The following CALHM6 variants were observed in gnomAD, a reference collection of about 807,000 sequenced individuals.
CALHM6 encodes calcium homeostasis modulator protein 6.
A neutral mutation model predicts 12.7 loss-of-function variants in CALHM6; 15 were observed. That is an observed-to-expected ratio of 1.18 (90% CI 0.79 to 1.82). CALHM6 has a LOEUF of 1.82. Among genes scored for constraint, CALHM6 ranks in the 40% most tolerant of loss-of-function variants. The probability of loss-of-function intolerance (pLI) is 0.00; values close to 1 mark genes in which losing one functional copy is unlikely to be tolerated. For synonymous variants in CALHM6, 212 were observed against 193.7 expected, an observed-to-expected ratio of 1.09 and a Z score of -0.78; for missense variants, 434 against 421.0, an observed-to-expected ratio of 1.03 and a Z score of -0.27.
chr6:116,462,074 C>T lies in CALHM6; in HGVS notation c.145C>T (p.Leu49=). The T allele has an allele frequency of 2.6e-6, 4 of 1,547,806 alleles. No individual in the cohort carries two copies. Among genetic ancestry groups the T allele is most frequent in the Non-Finnish European group, 3.5e-6 (4 of 1,146,530 alleles). ...FQCPCSAAWN[L]PYGLVFLLVP... ...GTGCCCGTGCAGCGCCGCCTGGAACCTGCCCTACGGCCTGGTCTTCTTGCT... is the reference window on the plus strand; with the variant it reads ...GTGCCCGTGCAGCGCCGCCTGGAACTTGCCCTACGGCCTGGTCTTCTTGCT... Residue 49 remains leucine, a synonymous_variant, in exon 2 of 3, where the codon CTG becomes TTG. Transcript: ENST00000368605.
chr6:116,462,557 A>T, intron 2 of CALHM6, 103 bp downstream of exon 2: 1 of 698,002 alleles, frequency 1.4e-6, no homozygotes, highest in Non-Finnish European at 2.2e-6. Flanking sequence ...CCAGATATAC[A>T]GTACCCTAAG....
In CALHM6 at chr6:116,463,507, C is replaced by T; in HGVS notation, c.750C>T (p.Asn250=). The change falls in exon 3 of 3, where the codon AAC becomes AAT. Residue 250 remains asparagine, a synonymous_variant. Coordinates refer to ENST00000368605, the MANE Select transcript of CALHM6 (RefSeq NM_001010919.3). The stretch of plus-strand genomic sequence containing the variant: ...AGGGCTCGCATCCAAAAGAATATAA[C>T]ACTCCAAGCATGAAAGAGTGGCAGC... ...FFEGSHPKEY[N]TPSMKEWQQI... is the part of the protein sequence containing the mutation. 2 of 1,614,146 alleles carry T rather than the reference C, an allele frequency of 1.2e-6. No homozygotes were observed. Among genetic ancestry groups the T allele is most frequent in the Non-Finnish European group, 1.7e-6 (2 of 1,180,014 alleles).
chr6:116,462,812 A>G (rs1305129434), intron 2 of CALHM6, among the ~76,000 whole-genome samples: 1 of 152,134 alleles, frequency 6.6e-6, no homozygotes, highest in Non-Finnish European at 1.5e-5. Context: ...CATTACAAGT[A>G]ATAGTTTCGT....
chr6:116,461,860 T>G lies in CALHM6; in HGVS notation c.-58-12T>G. ...CCCGGTCCCCATCCCACCAAAACCA[T>G]TTGACAAGCAGGACAACGAAGAGGC... On this transcript the variant is annotated splice_polypyrimidine_tract_variant and intron_variant, in intron 1 of 2. Coordinates refer to ENST00000368605, the MANE Select transcript of CALHM6 (RefSeq NM_001010919.3). The G allele has an allele frequency of 7.1e-7, 1 of 1,399,666 alleles. No homozygotes were observed. Among genetic ancestry groups the G allele is most frequent in the Non-Finnish European group, 9.3e-7 (1 of 1,075,400 alleles). The allele number at this position is 1,399,666 out of a possible 1,614,324, so 86.7% of individuals were successfully genotyped here.
rs771852057 is a variant in CALHM6 at position 116,463,645 on chromosome 6, G to A, written c.888G>A (p.Thr296=). The A allele has an allele frequency of 5.0e-6, 8 of 1,613,910 alleles. No individual in the cohort carries two copies. In the South Asian group the frequency reaches 5.5e-5, roughly 11 times the overall value. ...THSIRSTEGD[T]VIPVLGFVDS... ...GTATCAGGTCTACTGAAGGAGATAC[G>A]GTGATTCCTGTTCTTGGCTTTGTAG... is the stretch of plus-strand genomic sequence containing the variant. Residue 296 remains threonine, a synonymous_variant, in exon 3 of 3, where the codon ACG becomes ACA. Transcript: ENST00000368605.
At chr6:116,461,612 C>T (rs1298276985) in intron 1 of CALHM6, among the ~76,000 whole-genome samples, 183 bp downstream of exon 1, 2 of 151,930 alleles carry the variant, frequency 1.3e-5, no homozygotes, top group Non-Finnish European at 2.9e-5. Flanking sequence ...GGTCAACCTT[C>T]TGTCAGAGTT....
chr6:116,463,405 G>A lies in CALHM6; in HGVS notation c.648G>A (p.Gln216=). The part of the protein sequence containing the change: ...QLKFWKIYLE[Q]EQQILKSKAT... ...AATTCTGGAAAATCTATTTGGAACA[G>A]GAGCAGCAGATCCTTAAAAGTAAAG... Residue 216 remains glutamine, a synonymous_variant, in exon 3 of 3, where the codon CAG becomes CAA. Coordinates refer to ENST00000368605, the MANE Select transcript of CALHM6 (RefSeq NM_001010919.3). 6.2e-7 allele frequency: 1 copy of A among 1,614,086 alleles called. No homozygotes were observed. The highest frequency in any genetic ancestry group is 8.5e-7 in the Non-Finnish European group (1 of 1,180,014).
chr6:116,462,287 G>T lies in CALHM6; in HGVS notation c.358G>T (p.Gly120Trp). The T allele has an allele frequency of 1.4e-6, 2 of 1,405,706 alleles. No individual in the cohort carries two copies. The highest frequency in any genetic ancestry group is 1.8e-6 in the Non-Finnish European group (2 of 1,086,884). 87.1% of individuals were successfully genotyped at this position (1,405,706 alleles called of 1,614,324 possible). Residue 120 changes from glycine (G) to tryptophan (W), a missense_variant, in exon 2 of 3, where the codon GGG becomes TGG. By Grantham distance (184) the Gly-to-Trp change is radical (BLOSUM62 -2). Coordinates refer to ENST00000368605, the MANE Select transcript of CALHM6 (RefSeq NM_001010919.3). The part of the protein sequence containing the change: ...PLTWVAVALL[G>W]GAFYECAATG... ...CACCTGGGTGGCCGTGGCGCTGCTC[G>T]GGGGCGCCTTTTACGAGTGCGCGGC...
chr6:116,463,744 T>C lies in CALHM6; in HGVS notation c.*39T>C. 7.0e-7 allele frequency: 1 copy of C among 1,429,490 alleles called. No individual in the cohort carries two copies. The highest frequency in any genetic ancestry group is 2.4e-5 in the East Asian group (1 of 42,552). 88.6% of individuals were successfully genotyped at this position (1,429,490 alleles called of 1,614,324 possible). A position where few individuals can be genotyped will look rare whatever the true frequency, so the allele number is the denominator to read the frequency against. ...TAGAAAAAAAAATTGTTTTGAATTA[T>C]TGCTTTATTAAAAAATAAACATTGG... On this transcript the variant is annotated 3_prime_UTR_variant, in exon 3 of 3. Transcript: ENST00000368605.
In CALHM6 at chr6:116,461,923, G is replaced by A. The variant is rs61742015; in HGVS notation, c.-7G>A. ...GCCTGTGCGCGACGCCCCGGGGGACGAGGCTCATGGAGAAGTTTCGGGCGG... is the reference window on the plus strand; with the variant it reads ...GCCTGTGCGCGACGCCCCGGGGGACAAGGCTCATGGAGAAGTTTCGGGCGG... On this transcript the variant is annotated 5_prime_UTR_variant, in exon 2 of 3. Transcript: ENST00000368605. 1.7e-3 allele frequency: 2,550 copies of A among 1,495,096 alleles called. 1 individual carries two copies. Among genetic ancestry groups the A allele is most frequent in the Non-Finnish European group, 2.1e-3 (2,315 of 1,114,972 alleles). The allele number at this position is 1,495,096 out of a possible 1,614,324, so 92.6% of individuals were successfully genotyped here.
rs553081588 is a variant in CALHM6, at chr6:116,461,966, A to G, written c.37A>G (p.Lys13Glu). ...TCGGGCGGTGCTGGACCTGCACGTC[A>G]AGCACCACAGCGCCTTGGGCTACGG... ...KFRAVLDLHV[K>E]HHSALGYGLV... Residue 13 changes from lysine (K) to glutamate (E), a missense_variant, in exon 2 of 3, where the codon AAG becomes GAG. By Grantham distance (56) the Lys-to-Glu change is moderately conservative. Coordinates refer to ENST00000368605, the MANE Select transcript of CALHM6 (RefSeq NM_001010919.3). The G allele has an allele frequency of 3.2e-5, 50 of 1,543,552 alleles. No homozygotes were observed. The East Asian group carries it at 1.2e-3, about 37-fold the overall frequency.
chr6:116,463,495 A>G lies in CALHM6; in HGVS notation c.738A>G (p.Pro246=), dbSNP rs780578426. 4 of 1,614,102 alleles carry G rather than the reference A, an allele frequency of 2.5e-6. No homozygotes were observed. Among genetic ancestry groups the G allele is most frequent in the African/African-American group, 1.3e-5 (1 of 74,946 alleles). Residue 246 remains proline, a synonymous_variant, in exon 3 of 3, where the codon CCA becomes CCG. Transcript: ENST00000368605. ...AATGTTTCTTTGAGGGCTCGCATCC[A>G]AAAGAATATAACACTCCAAGCATGA... is the stretch of plus-strand genomic sequence containing the variant. ...NIKCFFEGSH[P]KEYNTPSMKE...
At chr6:116,462,525 G>A in intron 2 of CALHM6, 71 bp downstream of exon 2, 1 of 1,146,304 alleles carries the variant, frequency 8.7e-7, no homozygotes, top group Non-Finnish European at 1.2e-6. Context: ...GCTGGGGTGA[G>A]GGAAAAATCG....
At position 116,461,929 on chromosome 6, in the gene CALHM6, C is replaced by T. The variant is rs1402435365; in HGVS notation, c.-1C>T. The T allele has an allele frequency of 1.3e-6, 2 of 1,505,032 alleles. No homozygotes were observed. Among genetic ancestry groups the T allele is most frequent in the African/African-American group, 1.4e-5 (1 of 71,066 alleles). 93.2% of individuals were successfully genotyped at this position (1,505,032 alleles called of 1,614,324 possible). ...GCGCGACGCCCCGGGGGACGAGGCT[C>T]ATGGAGAAGTTTCGGGCGGTGCTGG... is the stretch of plus-strand genomic sequence containing the variant. On this transcript the variant is annotated 5_prime_UTR_variant, in exon 2 of 3. Transcript: ENST00000368605.
In CALHM6 at chr6:116,462,398, C is replaced by G; in HGVS notation, c.469C>G (p.Gln157Glu). ...GGAGCTGCCGCTGGTGCCGTGCAAC[C>G]AGGCCAAGGCGTCGGACGTGCAGGA... ...AAELPLVPCNQAKASDVQDLL... is the reference protein window; with the variant it reads ...AAELPLVPCNEAKASDVQDLL... Residue 157 changes from glutamine to glutamate, a missense_variant, in exon 2 of 3, where the codon CAG becomes GAG. Gln to Glu is a conservative substitution (Grantham distance 29). Transcript: ENST00000368605. 1 of 1,477,944 alleles carries G rather than the reference C, an allele frequency of 6.8e-7. No individual in the cohort carries two copies. The highest frequency in any genetic ancestry group is 1.5e-5 in the African/African-American group (1 of 67,732). 91.6% of individuals were successfully genotyped at this position (1,477,944 alleles called of 1,614,324 possible). A position where few individuals can be genotyped will look rare whatever the true frequency, so the allele number is the denominator to read the frequency against.
At position 116,461,857 on chromosome 6, in the gene CALHM6, C is replaced by A. The variant is rs1784775747; in HGVS notation, c.-58-15C>A. 1 of 1,395,806 alleles carries A rather than the reference C, an allele frequency of 7.2e-7. No individual in the cohort carries two copies. The highest frequency in any genetic ancestry group is 2.8e-5 in the East Asian group (1 of 35,792). The allele number at this position is 1,395,806 out of a possible 1,614,324, so 86.5% of individuals were successfully genotyped here. On this transcript the variant is annotated splice_polypyrimidine_tract_variant and intron_variant, in intron 1 of 2. Coordinates refer to ENST00000368605, the MANE Select transcript of CALHM6 (RefSeq NM_001010919.3). ...AGCCCCGGTCCCCATCCCACCAAAA[C>A]CATTTGACAAGCAGGACAACGAAGA...
Position 116,462,258 on chromosome 6 carries a change from C to T in CALHM6, c.329C>T (p.Pro110Leu). Reference protein sequence around the residue: ...TQISAAAALAPLTWVAVALLG... With the variant: ...TQISAAAALALLTWVAVALLG... ...ATCAGCGCGGCCGCCGCGCTCGCGC[C>T]CCTCACCTGGGTGGCCGTGGCGCTG... is the stretch of plus-strand genomic sequence containing the variant. The change falls in exon 2 of 3, where the codon CCC becomes CTC. Residue 110 changes from proline (P) to leucine (L), a missense_variant. Pro to Leu is a moderately conservative substitution (Grantham distance 98). Transcript: ENST00000368605. The T allele has an allele frequency of 1.5e-6, 2 of 1,376,846 alleles. No homozygotes were observed. Among genetic ancestry groups the T allele is most frequent in the Non-Finnish European group, 1.9e-6 (2 of 1,072,258 alleles). 85.3% of individuals were successfully genotyped at this position (1,376,846 alleles called of 1,614,324 possible).
At chr6:116,463,016 C>T (rs1473592719) in intron 2 of CALHM6, among the ~76,000 whole-genome samples, 1 of 152,148 alleles carries the variant, frequency 6.6e-6, no homozygotes, top group African/African-American at 2.4e-5. Context: ...AGAAATTCCA[C>T]ATTTTGAGTT....
chr6:116,461,503 A>G (rs1784767894), intron 1 of CALHM6, 74 bp downstream of exon 1: 1 of 1,394,954 alleles, frequency 7.2e-7, no homozygotes, highest in African/African-American at 1.4e-5. Context: ...GCTGCAATAG[A>G]GGAAAATCTG....
Sources: gnomAD v4.1 joint callset for allele counts (sites outside exome capture counted in the v4.1 genomes callset) on GRCh38, gnomAD v4.1.1 for gene constraint, MANE v1.5 for transcripts, NCBI Gene and HGNC (gene_info 2026-07-23, HGNC 2026-07-21) for gene names.